KL: variants seen among roughly 807,000 people sequenced by gnomAD.
KL encodes the protein klotho.
KL carries 62 observed loss-of-function variants against 84.2 expected under a neutral mutation model. The ratio of observed to expected loss-of-function variants is 0.74; its 90% CI spans 0.60 to 0.91. The LOEUF is 0.91. KL is among the 40% of genes least tolerant of loss of function. The probability of loss-of-function intolerance (pLI) is 0.00; values close to 1 mark genes in which losing one functional copy is unlikely to be tolerated. For missense variants in KL, 1,261 were observed against 1,305.7 expected (o/e 0.97, Z 0.53); for synonymous variants, 528 against 528.0 (o/e 1.00, Z 0.00).
intron 1 of KL, among the ~76,000 whole-genome samples, chr13:33,018,441 T>C (rs1205313957): frequency 6.6e-6 from 1 of 152,134 alleles, no homozygotes; most frequent in Non-Finnish European, 1.5e-5. Context: ...CTGCTGGTAA[T>C]GTTGTAATAA....
At chr13:33,055,543 A>G (rs1440670571) in intron 3 of KL, among the ~76,000 whole-genome samples, 2 of 152,268 alleles carry the variant, frequency 1.3e-5, no homozygotes, top group Admixed American at 1.3e-4. Context: ...AATTTAAAGC[A>G]TATCAATATT....
chr13:33,028,011 G>C (rs189113477), intron 1 of KL, among the ~76,000 whole-genome samples: 1 of 152,240 alleles, frequency 6.6e-6, no homozygotes, highest in Non-Finnish European at 1.5e-5. Context: ...GATGGGCTGG[G>C]AAGAGTTTCA....
chr13:33,022,766 A>T (rs941019955), intron 1 of KL, among the ~76,000 whole-genome samples: 3 of 152,216 alleles, frequency 2.0e-5, no homozygotes, highest in African/African-American at 7.2e-5. Flanking sequence ...ATTTATTTCA[A>T]AATTTGTAGT....
chr13:33,044,635 ATTTTCTTTTTTTT>A (rs1871455330), intron 1 of KL, among the ~76,000 whole-genome samples: 2 of 72,290 alleles, frequency 2.8e-5, no homozygotes, highest in African/African-American at 4.2e-5. Context: ...AATGCAATTG[ATTTTCTTTTTTTT>A]TTTTTTTTTT....
chr13:33,044,179 A>T (rs1288381469), intron 1 of KL, among the ~76,000 whole-genome samples: 1 of 152,140 alleles, frequency 6.6e-6, no homozygotes, highest in African/African-American at 2.4e-5. Flanking sequence ...TGCTCCTTTG[A>T]TGTATTTGTC....
intron 1 of KL, among the ~76,000 whole-genome samples, chr13:33,034,348 G>T (rs1425461386): frequency 6.6e-6 from 1 of 152,110 alleles, no homozygotes; most frequent in Admixed American, 6.5e-5. Flanking sequence ...TGTTCAATTT[G>T]CTGCTTACCA....
Position 33,044,004 on chromosome 13 carries a change from T to C in KL, c.820-9763T>C, listed in dbSNP as rs890140432. ...GTTTTAGCTTTTAGCTTTGGATCTATGATCTGTCTCAAATTTTTATGCAAG... is the reference window on the plus strand; with the variant it reads ...GTTTTAGCTTTTAGCTTTGGATCTACGATCTGTCTCAAATTTTTATGCAAG... On this transcript the variant is annotated intron_variant, in intron 1 of 4. Transcript: ENST00000380099. Among the ~76,000 whole-genome samples, 32 of 152,236 alleles carry C rather than the reference T, an allele frequency of 2.1e-4. 1 individual carries two copies. Among genetic ancestry groups the C allele is most frequent in the Admixed American group, 1.7e-3 (26 of 15,288 alleles).
At chr13:33,039,763 C>A (rs576823620) in intron 1 of KL, among the ~76,000 whole-genome samples, 20 of 152,250 alleles carry the variant, frequency 1.3e-4, no homozygotes, top group African/African-American at 4.6e-4. Flanking sequence ...AACTTCAGGG[C>A]TAGTAGGTTG....
At chr13:33,061,817 A>T (rs1872219842) in intron 4 of KL, 37 bp downstream of exon 4, 2 of 1,602,750 alleles carry the variant, frequency 1.2e-6, no homozygotes, top group Admixed American at 1.7e-5. Context: ...CCTGAAGGTT[A>T]TGTCACCAGA....
chr13:33,056,604 A>G (rs181123819), intron 3 of KL, among the ~76,000 whole-genome samples: 1,744 of 150,754 alleles, frequency 0.012, 36 homozygotes, highest in African/African-American at 0.04. Flanking sequence ...GACCATCCTG[A>G]ATAACACGGT....
At chr13:33,027,193 G>C (rs1593791534) in intron 1 of KL, among the ~76,000 whole-genome samples, 1 of 152,160 alleles carries the variant, frequency 6.6e-6, no homozygotes, top group East Asian at 1.9e-4. Context: ...TTGGGATATA[G>C]TATCTTTTCT....
Position 33,061,021 on chromosome 13 carries a change from C to G in KL, c.1942C>G (p.Pro648Ala). 6.2e-7 allele frequency: 1 copy of G among 1,612,314 alleles called. No homozygotes were observed. Among genetic ancestry groups the G allele is most frequent in the Non-Finnish European group, 8.5e-7 (1 of 1,178,658 alleles). Reference sequence around the variant, plus strand: ...GCCTATGGCCCCGAACCAAGGACTGCCGCGCCTCCTGGCCAGGCAGGGCGC... The same window carrying G: ...GCCTATGGCCCCGAACCAAGGACTGGCGCGCCTCCTGGCCAGGCAGGGCGC... ...WQPMAPNQGLPRLLARQGAWE... is the reference protein window; with the variant it reads ...WQPMAPNQGLARLLARQGAWE... The change falls in exon 4 of 5, where the codon CCG becomes GCG. Residue 648 changes from proline (P) to alanine (A), a missense_variant. Pro to Ala is a conservative substitution (Grantham distance 27). Transcript: ENST00000380099.
chr13:33,060,575 T>A, intron 3 of KL, 104 bp from the exon 4 acceptor site: 3 of 1,271,560 alleles, frequency 2.4e-6, no homozygotes. Flanking sequence ...TAGAAAGGCT[T>A]CTATTTTTGC....
intron 1 of KL, among the ~76,000 whole-genome samples, chr13:33,031,746 G>T (rs574913767): frequency 6.6e-6 from 1 of 152,296 alleles, no homozygotes; most frequent in African/African-American, 2.4e-5. Context: ...AGAGCTAAAA[G>T]GTTGCCAGTG....
chr13:33,057,815 G>A (rs1464136388), intron 3 of KL, among the ~76,000 whole-genome samples: 1 of 152,112 alleles, frequency 6.6e-6, no homozygotes, highest in African/African-American at 2.4e-5. Flanking sequence ...GTCAAAATAA[G>A]TTCTTTGTAT....
chr13:33,054,236 A>G lies in KL; in HGVS notation c.1289A>G (p.Tyr430Cys). ...SGTTKRDDAKYMYYLKKFIME... is the reference protein window; with the variant it reads ...SGTTKRDDAKCMYYLKKFIME... ...ACCACCAAGAGAGATGATGCCAAAT[A>G]TATGTATTACCTCAAAAAGTTCATC... Residue 430 changes from tyrosine to cysteine, a missense_variant, in exon 2 of 5, where the codon TAT becomes TGT. Tyr to Cys is a radical substitution (Grantham distance 194). Coordinates refer to ENST00000380099, the MANE Select transcript of KL (RefSeq NM_004795.4). 6.2e-7 allele frequency: 1 copy of G among 1,613,862 alleles called. No individual in the cohort carries two copies. Among genetic ancestry groups the G allele is most frequent in the Non-Finnish European group, 8.5e-7 (1 of 1,179,934 alleles).
At chr13:33,026,411 G>A (rs550079974) in intron 1 of KL, among the ~76,000 whole-genome samples, 4 of 151,362 alleles carry the variant, frequency 2.6e-5, no homozygotes, top group East Asian at 2.0e-4. Flanking sequence ...ATAGCTGGAG[G>A]ACATGCATTT....
intron 1 of KL, among the ~76,000 whole-genome samples, chr13:33,031,823 G>A (rs1870983620): frequency 6.6e-6 from 1 of 152,134 alleles, no homozygotes; most frequent in Non-Finnish European, 1.5e-5. Context: ...ATAAGCCTTT[G>A]GTACTATTTG....
chr13:33,064,156 C>T lies in KL; in HGVS notation c.3009C>T (p.Tyr1003=). 1 of 1,610,250 alleles carries T rather than the reference C, an allele frequency of 6.2e-7. No homozygotes were observed. Among genetic ancestry groups the T allele is most frequent in the Non-Finnish European group, 8.5e-7 (1 of 1,177,342 alleles). ...SIISLSLIFY[Y]SKKGRRSYK is the part of the protein sequence containing the mutation. ...TTTCTCTCTCCCTTATATTTTACTA[C>T]TCGAAGAAAGGCAGAAGAAGTTACA... The change falls in exon 5 of 5, where the codon TAC becomes TAT. Residue 1003 remains tyrosine (Y), a synonymous_variant. Transcript: ENST00000380099.
Sources: allele counts gnomAD v4.1 joint callset (sites outside exome capture counted in the v4.1 genomes callset), GRCh38; gene constraint gnomAD v4.1.1; transcripts MANE v1.5; gene names NCBI Gene and HGNC (gene_info 2026-07-23, HGNC 2026-07-21).